The following C8orf34 variants were observed in gnomAD, a reference collection of about 807,000 sequenced individuals.
C8orf34 encodes the protein chromosome 8 open reading frame 34, also known as uncharacterized protein C8orf34.
Under a neutral mutation model 68.3 loss-of-function variants are expected in C8orf34, and 65 were observed. The observed-to-expected ratio is 0.95, with a 90% CI of 0.78 to 1.17. C8orf34 has a LOEUF of 1.17. Among genes scored for constraint, C8orf34 ranks in the 50% most tolerant of loss-of-function variants. The pLI, the probability that C8orf34 is intolerant of heterozygous loss-of-function variation, is 0.00. For synonymous variants in C8orf34, 244 were observed against 241.2 expected (o/e 1.01, Z -0.11); for missense variants, 664 against 655.4 (o/e 1.01, Z -0.14).
At chr8:68,461,866 G>A (rs1811847110) in intron 3 of C8orf34, among the ~76,000 whole-genome samples, 1 of 152,158 alleles carries the variant, frequency 6.6e-6, no homozygotes, top group East Asian at 1.9e-4. Context: ...ATCAAGGCTA[G>A]GAAGAAACTG....
Position 68,373,728 on chromosome 8 carries a change from A to G in C8orf34, c.327+42389A>G, listed in dbSNP as rs140007102. 4.2e-3 allele frequency among the ~76,000 whole-genome samples: 646 copies of G among 152,324 alleles called. 2 individuals are homozygous for G. The highest frequency in any genetic ancestry group is 0.034 in the Middle Eastern group (10 of 294). ...ATGTTTTCTCTATGTTGATTTTGAA[A>G]TAAGTGAATACTTTGGAGTTTATTA... On this transcript the variant is annotated intron_variant, in intron 1 of 13. Coordinates refer to ENST00000518698, the MANE Select transcript of C8orf34 (RefSeq NM_052958.4).
intron 1 of C8orf34, among the ~76,000 whole-genome samples, chr8:68,413,650 G>T (rs1191315533): frequency 6.6e-6 from 1 of 152,132 alleles, no homozygotes; most frequent in African/African-American, 2.4e-5. Context: ...CACCTAGGTG[G>T]TGTCATTCTT....
chr8:68,446,761 A>G lies in C8orf34; in HGVS notation c.607+301A>G, dbSNP rs1471517472. The G allele has an allele frequency of 1.1e-5, 4 of 368,748 alleles. No homozygotes were observed. The East Asian group carries it at 1.6e-4, about 15-fold the overall frequency. 22.8% of individuals were successfully genotyped at this position (368,748 alleles called of 1,614,324 possible). A position where few individuals can be genotyped will look rare whatever the true frequency, so the allele number is the denominator to read the frequency against. On this transcript the variant is annotated intron_variant, in intron 3 of 13. Coordinates refer to ENST00000518698, the MANE Select transcript of C8orf34 (RefSeq NM_052958.4). ...TCATAGCCAATTGTAGCATTACATC[A>G]TATTGAAAGCAGTAGCTACCTATAT...
chr8:68,509,692 C>G (rs1225986104), intron 5 of C8orf34, among the ~76,000 whole-genome samples: 2 of 152,266 alleles, frequency 1.3e-5, no homozygotes, highest in Admixed American at 6.5e-5. Context: ...GAATGGCTAA[C>G]CCATCTAGAA....
At chr8:68,668,545 C>A (rs1819912134) in intron 8 of C8orf34, among the ~76,000 whole-genome samples, 1 of 152,220 alleles carries the variant, frequency 6.6e-6, no homozygotes, top group South Asian at 2.1e-4. Flanking sequence ...CAAGTAGATG[C>A]CAAGTAACTA....
intron 3 of C8orf34, among the ~76,000 whole-genome samples, chr8:68,462,265 A>C (rs1343750081): frequency 6.6e-6 from 1 of 152,326 alleles, no homozygotes; most frequent in East Asian, 1.9e-4. Context: ...TATGCACCCA[A>C]TACAGGAACA....
At chr8:68,566,843 A>G (rs1158249504) in intron 7 of C8orf34, among the ~76,000 whole-genome samples, 1 of 152,136 alleles carries the variant, frequency 6.6e-6, no homozygotes, top group Non-Finnish European at 1.5e-5. Flanking sequence ...TCATAAAGGG[A>G]TGCTGGATTT....
intron 10 of C8orf34, among the ~76,000 whole-genome samples, chr8:68,767,527 T>A (rs548842625): frequency 6.6e-6 from 1 of 152,222 alleles, no homozygotes; most frequent in African/African-American, 2.4e-5. Context: ...ACTAACATCA[T>A]ATTCTTGGTG....
intron 1 of C8orf34, among the ~76,000 whole-genome samples, chr8:68,426,412 G>A (rs745697778): frequency 2.6e-5 from 4 of 151,080 alleles, no homozygotes; most frequent in African/African-American, 7.3e-5. Flanking sequence ...CCAAATGCTC[G>A]GGGGCCCAAG....
chr8:68,528,267 A>G (rs1185346506), intron 6 of C8orf34, among the ~76,000 whole-genome samples: 1 of 151,896 alleles, frequency 6.6e-6, no homozygotes, highest in Non-Finnish European at 1.5e-5. Context: ...CATATCCTAG[A>G]CCTTCTCATT....
chr8:68,625,377 T>C, intron 7 of C8orf34: 1 of 462,568 alleles, frequency 2.2e-6, no homozygotes, highest in Non-Finnish European at 3.8e-6. Context: ...ATGTATCTAA[T>C]GTGGGAAGTG....
At chr8:68,612,391 A>G (rs912328258) in intron 7 of C8orf34, among the ~76,000 whole-genome samples, 10 of 152,126 alleles carry the variant, frequency 6.6e-5, no homozygotes, top group African/African-American at 2.4e-4. Context: ...CAGAATTTGA[A>G]TCTCAGTAGT....
intron 12 of C8orf34, among the ~76,000 whole-genome samples, chr8:68,802,802 C>T (rs1428352657): frequency 6.6e-6 from 1 of 152,090 alleles, no homozygotes; most frequent in Non-Finnish European, 1.5e-5. Context: ...ACCACCGTGT[C>T]CAGCCTAAAA....
chr8:68,368,730 T>C (rs527457502), intron 1 of C8orf34, among the ~76,000 whole-genome samples: 2 of 152,314 alleles, frequency 1.3e-5, no homozygotes, highest in African/African-American at 4.8e-5. Context: ...ATGATTTTTT[T>C]CCCTTTATTC....
chr8:68,705,164 G>A (rs1012585724), intron 8 of C8orf34, among the ~76,000 whole-genome samples: 1 of 152,140 alleles, frequency 6.6e-6, no homozygotes, highest in African/African-American at 2.4e-5. Context: ...TGCTTATCTT[G>A]CATACAAGTA....
chr8:68,410,166 T>C (rs190647278), intron 1 of C8orf34, among the ~76,000 whole-genome samples: 138 of 152,276 alleles, frequency 9.1e-4, no homozygotes, highest in African/African-American at 3.1e-3. Flanking sequence ...TGTTTAGGTT[T>C]CTCTCTACTT....
chr8:68,818,086 A>G (rs1824874335), intron 13 of C8orf34, among the ~76,000 whole-genome samples, 153 bp from the exon 14 acceptor site: 1 of 152,214 alleles, frequency 6.6e-6, no homozygotes, highest in South Asian at 2.1e-4. Context: ...GGCTGCAAAT[A>G]TGATTAATAG....
intron 7 of C8orf34, among the ~76,000 whole-genome samples, chr8:68,617,780 G>T (rs899610171): frequency 6.6e-5 from 10 of 152,000 alleles, no homozygotes; most frequent in African/African-American, 2.4e-4. Flanking sequence ...TGTTCTTCTC[G>T]AGGAGTATCT....
intron 5 of C8orf34, among the ~76,000 whole-genome samples, chr8:68,506,852 G>A (rs544848128): frequency 1.7e-4 from 26 of 152,112 alleles, no homozygotes; most frequent in Non-Finnish European, 3.1e-4. Flanking sequence ...ATGGTGAGAA[G>A]TTGGAATATA....
Sources: allele counts gnomAD v4.1 joint callset (sites outside exome capture counted in the v4.1 genomes callset), GRCh38; gene constraint gnomAD v4.1.1; transcripts MANE v1.5; gene names NCBI Gene and HGNC (gene_info 2026-07-23, HGNC 2026-07-21).